PKHD1: variants seen among roughly 807,000 people sequenced by gnomAD.
The protein encoded by PKHD1 is PKHD1 ciliary IPT domain containing fibrocystin/polyductin.
A neutral mutation model predicts 412.0 loss-of-function variants in PKHD1; 291 were observed. That is an observed-to-expected ratio of 0.71 (90% CI 0.64 to 0.78). The LOEUF is 0.78. PKHD1 is among the 30% of genes least tolerant of loss of function. PKHD1 has a pLI of 0.00. For missense variants in PKHD1, 4,825 were observed against 4,950.7 expected (o/e 0.97, Z 0.76); for synonymous variants, 1,777 against 1,821.5 (o/e 0.98, Z 0.62).
At chr6:52,045,952 G>A in intron 24 of PKHD1, 52 bp downstream of exon 24, 3 of 1,242,434 alleles carry the variant, frequency 2.4e-6, no homozygotes, top group South Asian at 2.5e-5. Flanking sequence ...TTTTTTTGCA[G>A]AATTTCTCCA....
In PKHD1 at chr6:52,017,540, C is replaced by T. The variant is rs756709428; in HGVS notation, c.5470G>A (p.Ala1824Thr). The T allele has an allele frequency of 3.1e-6, 5 of 1,614,106 alleles. No homozygotes were observed. Residue 1824 changes from alanine to threonine, a missense_variant, in exon 34 of 67, where the codon GCC becomes ACC. Ala to Thr is a moderately conservative substitution (Grantham distance 58). Transcript: ENST00000371117. ...HTYVQCDLTV[A>T]MATEQLLESW... ...TCAAGCAGTTGCTCTGTCGCCATGG[C>T]AACTGTCAAATCACACTGCACATAG... is the stretch of plus-strand genomic sequence containing the variant.
Position 51,939,007 on chromosome 6 carries a change from G to A in PKHD1, c.5909-4685C>T, listed in dbSNP as rs181450177. ...GACCCAAAACTCTGGCGCCAGTCAC[G>A]GACTCAGGAAGACAGTCTTCCCTTG... On this transcript the variant is annotated intron_variant, in intron 36 of 66. Coordinates refer to ENST00000371117, the MANE Select transcript of PKHD1 (RefSeq NM_138694.4). 5.0e-3 allele frequency among the ~76,000 whole-genome samples: 751 copies of A among 151,590 alleles called. 13 individuals are homozygous for A. Among genetic ancestry groups the A allele is most frequent in the African/African-American group, 0.017 (715 of 41,490 alleles).
intron 60 of PKHD1, among the ~76,000 whole-genome samples, chr6:51,663,378 GTTATAA>G (rs1562051049): frequency 6.6e-6 from 1 of 151,948 alleles, no homozygotes; most frequent in African/African-American, 2.4e-5. Context: ...GTACAGTTCT[GTTATAA>G]TTATAAATAA....
At chr6:51,778,509 C>T (rs1227487304) in intron 53 of PKHD1, among the ~76,000 whole-genome samples, 3 of 151,652 alleles carry the variant, frequency 2.0e-5, no homozygotes, top group East Asian at 3.9e-4. Context: ...CATCCTAGGA[C>T]GTGTGGATAT....
intron 34 of PKHD1, among the ~76,000 whole-genome samples, chr6:52,014,386 T>G (rs927930400): frequency 2.6e-5 from 4 of 152,220 alleles, no homozygotes; most frequent in African/African-American, 7.2e-5. Flanking sequence ...CTGACTTTCT[T>G]CTCTACCCTT....
chr6:51,731,800 A>C (rs1321737628), intron 60 of PKHD1, among the ~76,000 whole-genome samples: 1 of 152,216 alleles, frequency 6.6e-6, no homozygotes. Context: ...AGTCTTTGAA[A>C]TGTGACTAGT....
chr6:51,948,399 CACA>C (rs2127853777), intron 36 of PKHD1, among the ~76,000 whole-genome samples: 1 of 152,312 alleles, frequency 6.6e-6, no homozygotes, highest in South Asian at 2.1e-4. Context: ...TCCCTTGCCT[CACA>C]ACATTTGCTA....
chr6:51,853,830 AG>A (rs1325230212), intron 49 of PKHD1, among the ~76,000 whole-genome samples: 2 of 152,162 alleles, frequency 1.3e-5, no homozygotes, highest in African/African-American at 4.8e-5. Context: ...CTTTTTATCA[AG>A]GTTCTTAGCC....
intron 52 of PKHD1, among the ~76,000 whole-genome samples, chr6:51,822,059 A>G (rs543723961): frequency 6.6e-6 from 1 of 152,326 alleles, no homozygotes; most frequent in Admixed American, 6.5e-5. Context: ...CACATTAACC[A>G]GTTTGGTGGG....
At chr6:51,859,767 A>G (rs1773899591) in intron 48 of PKHD1, among the ~76,000 whole-genome samples, 1 of 152,142 alleles carries the variant, frequency 6.6e-6, no homozygotes, top group Non-Finnish European at 1.5e-5. Flanking sequence ...AGCATTTTTC[A>G]GATAATCTCC....
At chr6:51,748,788 A>G in intron 57 of PKHD1, 123 bp from the exon 58 acceptor site, 1 of 809,040 alleles carries the variant, frequency 1.2e-6, no homozygotes, top group Non-Finnish European at 2.2e-6. Flanking sequence ...TCTCAACACC[A>G]ACATTATATT....
At chr6:51,910,407 T>C (rs1412012443) in intron 39 of PKHD1, among the ~76,000 whole-genome samples, 5 of 152,170 alleles carry the variant, frequency 3.3e-5, no homozygotes, top group African/African-American at 9.6e-5. Context: ...GAGATATTTA[T>C]ATTTGTATGC....
At chr6:51,655,597 T>C (rs116654074) in intron 61 of PKHD1, among the ~76,000 whole-genome samples, 1,975 of 152,292 alleles carry the variant, frequency 0.013, 38 homozygotes, top group African/African-American at 0.045. Flanking sequence ...GCCATATTAC[T>C]TTCTATTGCT....
At chr6:51,638,548 T>C (rs1235647313) in intron 64 of PKHD1, among the ~76,000 whole-genome samples, 5 of 151,998 alleles carry the variant, frequency 3.3e-5, no homozygotes, top group African/African-American at 1.2e-4. Context: ...CCTATTAATA[T>C]CTAACCAAAT....
At position 52,028,342 on chromosome 6, in the gene PKHD1, G is replaced by T. The variant is rs749584837; in HGVS notation, c.3374C>A (p.Thr1125Asn). 6 of 1,613,432 alleles carry T rather than the reference G, an allele frequency of 3.7e-6. No homozygotes were observed. The highest frequency in any genetic ancestry group is 1.1e-5 in the South Asian group (1 of 91,044). The change falls in exon 30 of 67, where the codon ACC becomes AAC. Residue 1125 changes from threonine to asparagine, a missense_variant. Thr to Asn is a moderately conservative substitution (Grantham distance 65). Coordinates refer to ENST00000371117, the MANE Select transcript of PKHD1 (RefSeq NM_138694.4). ...RNISNIAGGE[T>N]LVIGVARLMN... ...CAGCCTCGCCACTCCAATGACCAGGGTCTCACCGCCTGTGTTGAGAAGAAT... is the reference window on the plus strand; with the variant it reads ...CAGCCTCGCCACTCCAATGACCAGGTTCTCACCGCCTGTGTTGAGAAGAAT...
In PKHD1 at chr6:52,042,876, G is replaced by A. The variant is rs779716522; in HGVS notation, c.3080C>T (p.Ser1027Phe). The A allele has an allele frequency of 6.2e-7, 1 of 1,613,826 alleles. No individual in the cohort carries two copies. The highest frequency in any genetic ancestry group is 1.3e-5 in the African/African-American group (1 of 75,010). ...CAGATTACCAATATCCGCAGCTCTGGAAGGCTCCACCATATCCAGTCTAGG... is the reference window on the plus strand; with the variant it reads ...CAGATTACCAATATCCGCAGCTCTGAAAGGCTCCACCATATCCAGTCTAGG... The part of the protein sequence containing the change: ...VKPRLDMVEP[S>F]RAADIGGLWA... Residue 1027 changes from serine (S) to phenylalanine (F), a missense_variant, in exon 27 of 67, where the codon TCC (serine) becomes TTC (phenylalanine). By Grantham distance (155) the Ser-to-Phe change is radical. Transcript: ENST00000371117.
At chr6:51,980,245 C>T (rs1324224192) in intron 35 of PKHD1, among the ~76,000 whole-genome samples, 17 of 152,146 alleles carry the variant, frequency 1.1e-4, no homozygotes, top group African/African-American at 2.9e-4. Flanking sequence ...AAAACTATTT[C>T]GTGGTTTTTT....
chr6:51,690,392 T>C (rs567036), intron 60 of PKHD1, among the ~76,000 whole-genome samples: 151,444 of 152,230 alleles, frequency 0.99, 75,338 homozygotes, highest in Middle Eastern at 1. Flanking sequence ...AAGCTGGAGG[T>C]ATCATGCTAT....
rs374795745 is a variant in PKHD1, at chr6:51,887,145, T to C, written c.7097A>G (p.His2366Arg). ...PLLSFTQNIA[H>R]SCTRYGLFVY... The stretch of plus-strand genomic sequence containing the variant: ...TCCCCAAAGTTACCTGGTACAAGAA[T>C]GTGCAATGTTCTGAGTGAAGGAAAG... Residue 2366 changes from histidine to arginine, a missense_variant, in exon 44 of 67, where the codon CAT (histidine) becomes CGT (arginine). Coordinates refer to ENST00000371117, the MANE Select transcript of PKHD1 (RefSeq NM_138694.4). 3.1e-6 allele frequency: 5 copies of C among 1,604,558 alleles called. No individual in the cohort carries two copies. The highest frequency in any genetic ancestry group is 2.7e-5 in the African/African-American group (2 of 74,832).
Sources: gnomAD v4.1 joint callset for allele counts (sites outside exome capture counted in the v4.1 genomes callset) on GRCh38, gnomAD v4.1.1 for gene constraint, MANE v1.5 for transcripts, NCBI Gene and HGNC (gene_info 2026-07-23, HGNC 2026-07-21) for gene names.